Variants in RP1 observed in about 807,000 individuals in gnomAD.
RP1 encodes oxygen-regulated protein 1.
A neutral mutation model predicts 14.8 loss-of-function variants in RP1; 16 were observed. The ratio of observed to expected loss-of-function variants is 1.08; its 90% CI spans 0.73 to 1.65. The LOEUF (loss-of-function observed/expected upper bound fraction) is 1.65, where lower values mean the gene tolerates loss of function less well. Among genes scored for constraint, RP1 ranks in the 40% most tolerant of loss-of-function variants. The pLI is 0.00. For synonymous variants in RP1, 876 were observed against 883.6 expected, an observed-to-expected ratio of 0.99 and a Z score of 0.15; for missense variants, 2,631 against 2,535.0, an observed-to-expected ratio of 1.04 and a Z score of -0.81.
At chr8:54,586,410 G>A (rs1007688667) in intron 1 of RP1, among the ~76,000 whole-genome samples, 1 of 152,178 alleles carries the variant, frequency 6.6e-6, no homozygotes, top group Admixed American at 6.5e-5. Flanking sequence ...TGCCCCTACT[G>A]GGGGGTGCCT....
At chr8:54,658,322 C>T (rs1381304206) in intron 6 of RP1, among the ~76,000 whole-genome samples, 3 of 149,608 alleles carry the variant, frequency 2.0e-5, no homozygotes, top group East Asian at 1.9e-4. Context: ...GAGGCCGAGG[C>T]GGGCGGATCA....
intron 27 of RP1, among the ~76,000 whole-genome samples, chr8:54,859,726 C>T (rs890463957): frequency 2.6e-5 from 4 of 152,078 alleles, no homozygotes; most frequent in African/African-American, 4.8e-5. Context: ...AGTGGTGTCA[C>T]TGTAGAGTGT....
At position 54,765,618 on chromosome 8, in the gene RP1, G is replaced by A. The variant is rs571927411; in HGVS notation, c.3249-4123G>A. 8.5e-5 allele frequency among the ~76,000 whole-genome samples: 13 copies of A among 152,186 alleles called. No homozygotes were observed. The South Asian group carries it at 1.0e-3, about 12-fold the overall frequency. On this transcript the variant is annotated intron_variant, in intron 22 of 22. Coordinates refer to the RP1 transcript ENST00000636932. ...AATTCTCCTGAGTAGAGTACGTTTC[G>A]CTTCTGTCTCTAGACATTCTCCAGG...
At chr8:54,782,166 ATGT>A (rs1423258371) in intron 23 of RP1, among the ~76,000 whole-genome samples, 1 of 152,162 alleles carries the variant, frequency 6.6e-6, no homozygotes, top group African/African-American at 2.4e-5. Context: ...TTAGATTTGC[ATGT>A]TTCTTATTTT....
At chr8:54,666,068 G>A (rs1378629969) in intron 7 of RP1, among the ~76,000 whole-genome samples, 2 of 152,092 alleles carry the variant, frequency 1.3e-5, no homozygotes, top group African/African-American at 4.8e-5. Context: ...TTAGAGGCCA[G>A]TCCCTCAGGT....
chr8:54,607,478 C>G (rs1019639395), intron 1 of RP1, among the ~76,000 whole-genome samples: 1 of 152,176 alleles, frequency 6.6e-6, no homozygotes, highest in African/African-American at 2.4e-5. Flanking sequence ...CCCAGTTAGG[C>G]TACTCGGGGG....
intron 24 of RP1, among the ~76,000 whole-genome samples, chr8:54,801,441 T>G (rs1442259925): frequency 6.6e-6 from 1 of 152,178 alleles, no homozygotes; most frequent in Non-Finnish European, 1.5e-5. Flanking sequence ...ACAGACTTTT[T>G]TTTCATGGTG....
chr8:54,779,077 T>C (rs1220735790), intron 23 of RP1, among the ~76,000 whole-genome samples: 1 of 152,164 alleles, frequency 6.6e-6, no homozygotes, highest in Non-Finnish European at 1.5e-5. Flanking sequence ...CATCTTTCCC[T>C]GTCACAACCC....
intron 1 of RP1, among the ~76,000 whole-genome samples, chr8:54,587,814 G>T (rs28494203): frequency 0.016 from 2,387 of 152,232 alleles, 69 homozygotes; most frequent in African/African-American, 0.054. Flanking sequence ...CTATAGAAAG[G>T]TCTATTTCTT....
At chr8:54,848,377 C>A (rs560025543) in intron 25 of RP1, among the ~76,000 whole-genome samples, 3 of 152,266 alleles carry the variant, frequency 2.0e-5, no homozygotes, top group East Asian at 1.9e-4. Context: ...CTTGCAGGAG[C>A]GGTAGGGAGA....
intron 24 of RP1, among the ~76,000 whole-genome samples, chr8:54,793,746 T>A (rs1234067513): frequency 6.6e-6 from 1 of 151,912 alleles, no homozygotes; most frequent in Non-Finnish European, 1.5e-5. Context: ...AGCTGAAGGC[T>A]TTCTCTCAAA....
intron 1 of RP1, among the ~76,000 whole-genome samples, chr8:54,607,813 G>T (rs555148271): frequency 6.6e-6 from 1 of 152,168 alleles, no homozygotes; most frequent in Non-Finnish European, 1.5e-5. Flanking sequence ...AGCAATGAGC[G>T]AGGCTCTGTG....
intron 19 of RP1, among the ~76,000 whole-genome samples, chr8:54,745,898 A>G (rs562362328): frequency 6.6e-6 from 1 of 152,190 alleles, no homozygotes; most frequent in Non-Finnish European, 1.5e-5. Flanking sequence ...CTAAAGCAAA[A>G]GTCAAGGCTT....
At chr8:54,708,446 T>C (rs1563354213) in intron 15 of RP1, among the ~76,000 whole-genome samples, 2 of 151,328 alleles carry the variant, frequency 1.3e-5, no homozygotes, top group Non-Finnish European at 2.9e-5. Context: ...AAGCTCCGCC[T>C]CCTGGGTTCA....
chr8:54,586,623 C>T (rs1325650196), intron 1 of RP1, among the ~76,000 whole-genome samples: 3 of 152,000 alleles, frequency 2.0e-5, no homozygotes, highest in Non-Finnish European at 4.4e-5. Context: ...GGCAGGCCTC[C>T]TTGAGGTGCT....
At chr8:54,848,811 C>T (rs977286364) in intron 25 of RP1, among the ~76,000 whole-genome samples, 16 of 152,124 alleles carry the variant, frequency 1.1e-4, no homozygotes, top group Admixed American at 9.8e-4. Flanking sequence ...TGCAGTGGCA[C>T]GATCTCGGCT....
At chr8:54,781,107 A>G (rs769728710) in intron 23 of RP1, 19 of 875,916 alleles carry the variant, frequency 2.2e-5, no homozygotes, top group Non-Finnish European at 2.6e-5. Context: ...TTTTATCTAC[A>G]GTAGGGTTTA....
chr8:54,575,686 A>G lies in RP1; in HGVS notation c.-13+16366A>G, dbSNP rs118084811. The stretch of plus-strand genomic sequence containing the variant: ...TTAGGTTCATGTGCTGGTTTGTTAT[A>G]TAGGTAAACTTGTGTCATGGATTTG... On this transcript the variant is annotated intron_variant, in intron 1 of 22. Coordinates refer to the RP1 transcript ENST00000636932. Among the ~76,000 whole-genome samples, 1,059 of 152,258 alleles carry G rather than the reference A, an allele frequency of 7.0e-3. 9 individuals carry two copies. The highest frequency in any genetic ancestry group is 0.023 in the South Asian group (111 of 4,826).
chr8:54,649,779 A>G (rs1455683422), intron 4 of RP1, among the ~76,000 whole-genome samples: 1 of 152,208 alleles, frequency 6.6e-6, no homozygotes, highest in African/African-American at 2.4e-5. Context: ...TAAAATCACC[A>G]TGAAAAAAGA....
Sources: gnomAD v4.1 joint callset for allele counts (sites outside exome capture counted in the v4.1 genomes callset) on GRCh38, gnomAD v4.1.1 for gene constraint, MANE v1.5 for transcripts, NCBI Gene and HGNC (gene_info 2026-07-23, HGNC 2026-07-21) for gene names.